Variants in CNTN1 observed in about 807,000 individuals in gnomAD.
CNTN1 encodes contactin 1.
CNTN1 carries 38 observed loss-of-function variants against 126.4 expected under a neutral mutation model. The ratio of observed to expected loss-of-function variants is 0.30; its 90% confidence interval spans 0.23 to 0.39. The LOEUF (loss-of-function observed/expected upper bound fraction) is 0.39. CNTN1 is among the 10% of genes least tolerant of loss of function. The probability of loss-of-function intolerance (pLI) is 1.00; values close to 1 mark genes in which losing one functional copy is unlikely to be tolerated. For synonymous variants in CNTN1, 413 were observed against 422.6 expected (o/e 0.98, Z 0.28); for missense variants, 1,009 against 1,248.4 (o/e 0.81, Z 2.89).
chr12:40,698,437 C>T (rs1035208496), intron 1 of CNTN1, among the ~76,000 whole-genome samples: 1 of 151,724 alleles, frequency 6.6e-6, no homozygotes, highest in Admixed American at 6.6e-5. Flanking sequence ...GGGGTTTCAC[C>T]GTGTTAGCGA....
intron 23 of CNTN1, among the ~76,000 whole-genome samples, chr12:41,050,914 C>T (rs912274391): frequency 2.0e-5 from 3 of 152,028 alleles, no homozygotes; most frequent in Non-Finnish European, 4.4e-5. Flanking sequence ...TACTGTATAG[C>T]TGTTTATGTT....
At chr12:40,840,996 A>G (rs1012505176) in intron 1 of CNTN1, among the ~76,000 whole-genome samples, 1 of 151,974 alleles carries the variant, frequency 6.6e-6, no homozygotes, top group Non-Finnish European at 1.5e-5. Flanking sequence ...AACAATACAA[A>G]GGATCAGTAA....
At chr12:40,797,700 C>T (rs1940491220) in intron 1 of CNTN1, among the ~76,000 whole-genome samples, 1 of 151,958 alleles carries the variant, frequency 6.6e-6, no homozygotes, top group Non-Finnish European at 1.5e-5. Flanking sequence ...GAGTTTATTG[C>T]AATCATTCAA....
At chr12:41,033,943 G>T (rs1023353370) in intron 23 of CNTN1, among the ~76,000 whole-genome samples, 1 of 151,632 alleles carries the variant, frequency 6.6e-6, no homozygotes, top group Non-Finnish European at 1.5e-5. Context: ...CCACCTACTC[G>T]GGAGGCTGAG....
At chr12:41,020,090 A>G (rs1168934335) in intron 19 of CNTN1, among the ~76,000 whole-genome samples, 2 of 152,090 alleles carry the variant, frequency 1.3e-5, no homozygotes, top group East Asian at 3.8e-4. Flanking sequence ...GTATATGTCT[A>G]TATTAACATT....
intron 1 of CNTN1, among the ~76,000 whole-genome samples, chr12:40,882,231 T>C (rs373468820): frequency 2.0e-5 from 3 of 151,732 alleles, no homozygotes; most frequent in East Asian, 3.9e-4. Flanking sequence ...TGGAATGATA[T>C]AGAGAGAACA....
intron 1 of CNTN1, among the ~76,000 whole-genome samples, chr12:40,816,646 ACTT>A (rs931075765): frequency 1.4e-5 from 2 of 145,670 alleles, no homozygotes; most frequent in Admixed American, 6.8e-5. Context: ...TGTTTCCTTC[ACTT>A]CTTCTCTGAT....
At chr12:40,797,987 T>C (rs897551484) in intron 1 of CNTN1, among the ~76,000 whole-genome samples, 4 of 152,104 alleles carry the variant, frequency 2.6e-5, no homozygotes, top group Non-Finnish European at 5.9e-5. Flanking sequence ...CCGAGTGTAA[T>C]ATAAAATACA....
intron 1 of CNTN1, among the ~76,000 whole-genome samples, chr12:40,859,672 G>A (rs967981027): frequency 2.0e-5 from 3 of 152,042 alleles, no homozygotes; most frequent in Non-Finnish European, 2.9e-5. Context: ...GAATCAACAG[G>A]AGCATTATGC....
chr12:41,032,845 T>C (rs971735423), intron 23 of CNTN1, among the ~76,000 whole-genome samples: 4 of 152,210 alleles, frequency 2.6e-5, no homozygotes, highest in Non-Finnish European at 5.9e-5. Context: ...AGCAAGCTCT[T>C]GTTTGCCTCA....
chr12:41,025,723 T>C (rs748142490), intron 21 of CNTN1, among the ~76,000 whole-genome samples: 2 of 152,202 alleles, frequency 1.3e-5, no homozygotes, highest in Non-Finnish European at 2.9e-5. Flanking sequence ...TAAACCTCTG[T>C]CATTGCACAG....
intron 1 of CNTN1, among the ~76,000 whole-genome samples, chr12:40,825,619 A>G (rs1214518980): frequency 2.0e-5 from 3 of 152,140 alleles, no homozygotes; most frequent in Admixed American, 6.6e-5. Flanking sequence ...AGACTTCTGA[A>G]AAATGGAAAT....
chr12:40,876,393 A>T (rs1380158069), intron 1 of CNTN1, among the ~76,000 whole-genome samples: 1 of 152,118 alleles, frequency 6.6e-6, no homozygotes, highest in African/African-American at 2.4e-5. Context: ...AACAATTTGT[A>T]TAGTAAAGTG....
intron 1 of CNTN1, among the ~76,000 whole-genome samples, chr12:40,880,084 AATTTATTTG>A (rs1339888975): frequency 6.6e-6 from 1 of 152,126 alleles, no homozygotes; most frequent in Non-Finnish European, 1.5e-5. Context: ...TCAAGGAACA[AATTTATTTG>A]AGGTGACGCA....
chr12:40,951,825 CTGATGAGT>C (rs779302859), intron 14 of CNTN1, among the ~76,000 whole-genome samples: 3 of 148,588 alleles, frequency 2.0e-5, no homozygotes, highest in Non-Finnish European at 4.4e-5. Context: ...TTAGAAATTG[CTGATGAGT>C]TGATGAGTTG....
At position 40,729,467 on chromosome 12, in the gene CNTN1, G is replaced by A. The variant is rs563964363; in HGVS notation, c.-77+36875G>A. Reference sequence around the variant, plus strand: ...GGACATGATTAAGACATATTTTATTGGCAGTGTGGATGAGGATGCACGGAA... The same window carrying A: ...GGACATGATTAAGACATATTTTATTAGCAGTGTGGATGAGGATGCACGGAA... On this transcript the variant is annotated intron_variant, in intron 1 of 23. Coordinates refer to ENST00000551295, the MANE Select transcript of CNTN1 (RefSeq NM_001843.4). 4.1e-4 allele frequency: 74 copies of A among 179,660 alleles called. No homozygotes were observed. In the South Asian group the frequency reaches 8.0e-3, roughly 19 times the overall value. The allele number at this position is 179,660 out of a possible 1,614,324, so 11.1% of individuals were successfully genotyped here. A position where few individuals can be genotyped will look rare whatever the true frequency, so the allele number is the denominator to read the frequency against.
At chr12:40,979,147 GAAGTCT>G (rs1484323104) in intron 15 of CNTN1, 5 of 152,220 alleles carry the variant, frequency 3.3e-5, no homozygotes, top group South Asian at 4.1e-4. Flanking sequence ...TTAACATTAA[GAAGTCT>G]AAGTATACTA....
chr12:40,810,113 T>C (rs1457059700), intron 1 of CNTN1, among the ~76,000 whole-genome samples: 3 of 152,170 alleles, frequency 2.0e-5, no homozygotes, highest in Non-Finnish European at 4.4e-5. Context: ...ATAATGAGGC[T>C]GAAAGTCCAT....
At chr12:40,862,042 C>T (rs1199135426) in intron 1 of CNTN1, among the ~76,000 whole-genome samples, 1 of 139,770 alleles carries the variant, frequency 7.2e-6, no homozygotes, top group Non-Finnish European at 1.5e-5. Flanking sequence ...AGTGAGGCCC[C>T]TGTCTTTACA....
Sources: gnomAD v4.1 joint callset for allele counts (sites outside exome capture counted in the v4.1 genomes callset) on GRCh38, gnomAD v4.1.1 for gene constraint, MANE v1.5 for transcripts, NCBI Gene and HGNC (gene_info 2026-07-23, HGNC 2026-07-21) for gene names.